The following MCF2 variants were observed in gnomAD, a reference collection of about 807,000 sequenced individuals.
MCF2 encodes the protein MCF.2 cell line derived transforming sequence.
Under a neutral mutation model 82.5 loss-of-function variants are expected in MCF2, and 44 were observed. The observed-to-expected ratio is 0.53, with a 90% CI of 0.42 to 0.69. The LOEUF is 0.69. Ranked by LOEUF, MCF2 falls within the 30% of genes least tolerant of loss-of-function variation. MCF2 has a pLI of 0.00. For missense variants in MCF2, 623 were observed against 663.1 expected (o/e 0.94, Z 0.66); for synonymous variants, 217 against 224.9 (o/e 0.96, Z 0.32).
At chrX:139,616,695 A>G (rs372958397) in intron 8 of MCF2, among the ~76,000 whole-genome samples, 27 of 110,769 alleles carry the variant, frequency 2.4e-4, no homozygotes, top group African/African-American at 7.9e-4. Flanking sequence ...AGCTCCACAG[A>G]TACTGCTGAT....
At chrX:139,641,686 C>T (rs1933577373) in intron 1 of MCF2, among the ~76,000 whole-genome samples, 1 of 110,839 alleles carries the variant, frequency 9.0e-6, no homozygotes, top group African/African-American at 3.3e-5. Flanking sequence ...GCATTTAAAG[C>T]CTTTTTGATG....
intron 9 of MCF2, 52 bp from the exon 13 acceptor site, chrX:139,615,104 C>A: frequency 1.1e-6 from 1 of 940,409 alleles, no homozygotes; most frequent in East Asian, 3.1e-5. Context: ...GAGGTCATTA[C>A]AAACCCCATT....
intron 1 of MCF2, among the ~76,000 whole-genome samples, chrX:139,659,084 TG>T (rs1404105905): frequency 9.0e-6 from 1 of 111,102 alleles, no homozygotes; most frequent in Non-Finnish European, 1.9e-5. Flanking sequence ...GGTCAAGAGA[TG>T]GAGACTATCC....
At chrX:139,662,709 C>A (rs1005185351) in intron 1 of MCF2, among the ~76,000 whole-genome samples, 1 of 110,616 alleles carries the variant, frequency 9.0e-6, no homozygotes, top group Non-Finnish European at 1.9e-5. Context: ...TTTCTGTTAA[C>A]TATAGTCACC....
intron 16 of MCF2, among the ~76,000 whole-genome samples, chrX:139,599,311 G>T (rs1930353009): frequency 9.3e-6 from 1 of 107,670 alleles, no homozygotes; most frequent in Admixed American, 9.9e-5. Flanking sequence ...CATGCGTTTA[G>T]ATCTCCTCAC....
At chrX:139,609,098 A>T (rs1206140925) in intron 11 of MCF2, among the ~76,000 whole-genome samples, 6 of 112,595 alleles carry the variant, frequency 5.3e-5, no homozygotes, top group Admixed American at 9.4e-5. Flanking sequence ...ACTGAGTTCC[A>T]GAGAACTTAC....
intron 1 of MCF2, among the ~76,000 whole-genome samples, chrX:139,666,353 A>G (rs1934519914): frequency 9.1e-6 from 1 of 110,430 alleles, no homozygotes; most frequent in Non-Finnish European, 1.9e-5. Context: ...ATGTGTGTCC[A>G]GGTTTAGGAC....
intron 6 of MCF2, among the ~76,000 whole-genome samples, chrX:139,620,837 G>A (rs1284933918): frequency 2.7e-5 from 3 of 111,434 alleles, no homozygotes; most frequent in African/African-American, 9.8e-5. Flanking sequence ...ACTACCAACA[G>A]CCTTTTTCAC....
chrX:139,614,862 A>T lies in MCF2; in HGVS notation c.1363+19T>A. On this transcript the variant is annotated intron_variant, in intron 10 of 24. Transcript: ENST00000370576. ...ACAATAGCAAGAAAAAAAGAGACAG[A>T]GAAAGTAAGACATTTTACCTTGTTT... 3 of 1,180,398 alleles carry T rather than the reference A, an allele frequency of 2.5e-6. No individual in the cohort carries two copies. The highest frequency in any genetic ancestry group is 3.4e-6 in the Non-Finnish European group (3 of 874,357).
chrX:139,636,463 T>A (rs1316485645), intron 1 of MCF2, among the ~76,000 whole-genome samples: 1 of 111,910 alleles, frequency 8.9e-6, no homozygotes, highest in Non-Finnish European at 1.9e-5. Flanking sequence ...CTTAATCTCA[T>A]ATTCTCTTGT....
chrX:139,648,383 C>A (rs916584685), intron 2 of MCF2, among the ~76,000 whole-genome samples: 3 of 109,394 alleles, frequency 2.7e-5, no homozygotes, highest in Non-Finnish European at 3.8e-5. Flanking sequence ...CCACGCCCCC[C>A]CCAAAAAGAA....
At position 139,588,366 on chromosome X, in the gene MCF2, A is replaced by T. The variant is rs1026638513; in HGVS notation, c.2443T>A (p.Leu815Met). The T allele has an allele frequency of 6.6e-6, 8 of 1,203,221 alleles. No individual in the cohort carries two copies. In the South Asian group the frequency reaches 1.1e-4, roughly 16 times the overall value. ...AATGCAGGCTTGAATTTACCTGTCA[A>T]AAGTTCCTGCTGCTTCAACAAAATA... The change falls in exon 21 of 25, where the codon TTG becomes ATG. Residue 815 changes from leucine to methionine, a missense_variant. Coordinates refer to ENST00000370576, the Ensembl canonical transcript of MCF2.
chrX:139,588,447 T>A lies in MCF2; in HGVS notation c.2371-9A>T. ...ACATCTACATTAGAAGCCTAAAGATTAAAAAAAAAGCGGGAGGGAGGTGGT... is the reference window on the plus strand; with the variant it reads ...ACATCTACATTAGAAGCCTAAAGATAAAAAAAAAAGCGGGAGGGAGGTGGT... On this transcript the variant is annotated splice_polypyrimidine_tract_variant and intron_variant, in intron 20 of 24. Coordinates refer to ENST00000370576, the Ensembl canonical transcript of MCF2. 2.7e-6 allele frequency: 3 copies of A among 1,102,186 alleles called. No individual in the cohort carries two copies. The highest frequency in any genetic ancestry group is 3.7e-6 in the Non-Finnish European group (3 of 806,960). The allele number at this position is 1,102,186 out of a possible 1,213,427, so 90.8% of individuals were successfully genotyped here. A position where few individuals can be genotyped will look rare whatever the true frequency, so the allele number is the denominator to read the frequency against.
intron 1 of MCF2, among the ~76,000 whole-genome samples, chrX:139,703,869 A>G (rs751935652): frequency 8.9e-6 from 1 of 112,497 alleles, no homozygotes; most frequent in African/African-American, 3.2e-5. Context: ...TTGTATTAAA[A>G]GGGCCTATCA....
intron 1 of MCF2, among the ~76,000 whole-genome samples, chrX:139,669,948 A>G (rs1385356268): frequency 8.9e-6 from 1 of 111,950 alleles, no homozygotes; most frequent in Non-Finnish European, 1.9e-5. Context: ...TTTAGGGAGT[A>G]ACAAAATGTT....
chrX:139,617,599 A>G lies in MCF2; in HGVS notation c.913T>C (p.Tyr305His), dbSNP rs768615312. 6 of 1,202,968 alleles carry G rather than the reference A, an allele frequency of 5.0e-6. No individual in the cohort carries two copies. In the South Asian group the frequency reaches 1.1e-4, roughly 22 times the overall value. ...TCATTAACCAAAATATCAGAAAGGT[A>G]ACGTAGCTCATTGCACCTCTGGCAG... The change falls in exon 8 of 25, where the codon TAC becomes CAC. Residue 305 changes from tyrosine (Y) to histidine (H), a missense_variant. By Grantham distance (83) the Tyr-to-His change is moderately conservative. Coordinates refer to ENST00000370576, the Ensembl canonical transcript of MCF2.
intron 23 of MCF2, among the ~76,000 whole-genome samples, chrX:139,585,893 A>G (rs1345810929): frequency 2.7e-5 from 3 of 112,344 alleles, no homozygotes; most frequent in Non-Finnish European, 5.6e-5. Flanking sequence ...AACCATTCAC[A>G]GAGGAAGAAT....
chrX:139,586,850 T>C (rs746928803), intron 22 of MCF2, among the ~76,000 whole-genome samples: 3 of 111,784 alleles, frequency 2.7e-5, no homozygotes, highest in Admixed American at 9.5e-5. Flanking sequence ...TTGTTGAGTA[T>C]GTACCAGCTA....
At chrX:139,669,771 C>A (rs929981698) in intron 1 of MCF2, among the ~76,000 whole-genome samples, 8 of 111,723 alleles carry the variant, frequency 7.2e-5, no homozygotes, top group African/African-American at 2.3e-4. Flanking sequence ...GAAAAAAACA[C>A]GCTAAGTGAA....
Sources: allele counts gnomAD v4.1 joint callset (sites outside exome capture counted in the v4.1 genomes callset), GRCh38; gene constraint gnomAD v4.1.1; transcripts MANE v1.5; gene names NCBI Gene and HGNC (gene_info 2026-07-23, HGNC 2026-07-21).